The following AFF2 variants were observed in gnomAD, a reference collection of about 807,000 sequenced individuals.
AFF2 encodes the protein ALF transcription elongation factor 2, also known as AF4/FMR2 family member 2.
In AFF2, 14 loss-of-function variants were observed where a neutral mutation model predicts 76.9. The ratio of observed to expected loss-of-function variants is 0.18; its 90% CI spans 0.12 to 0.28. The LOEUF (loss-of-function observed/expected upper bound fraction) is 0.28, where lower values mean the gene tolerates loss of function less well. Ranked by LOEUF, AFF2 falls within the 10% of genes least tolerant of loss-of-function variation. The pLI is 1.00. For synonymous variants in AFF2, 398 were observed against 366.7 expected, an observed-to-expected ratio of 1.09 and a Z score of -0.98; for missense variants, 868 against 1,001.1, an observed-to-expected ratio of 0.87 and a Z score of 1.79.
chrX:148,947,617 C>G (rs1226039563), intron 9 of AFF2, among the ~76,000 whole-genome samples: 1 of 111,603 alleles, frequency 9.0e-6, no homozygotes, highest in Non-Finnish European at 1.9e-5. Context: ...ATGGAATCTT[C>G]CCAGTCTCTA....
intron 3 of AFF2, among the ~76,000 whole-genome samples, chrX:148,778,458 T>C (rs2069697139): frequency 9.0e-6 from 1 of 111,317 alleles, no homozygotes; most frequent in Non-Finnish European, 1.9e-5. Flanking sequence ...TCTGGTGGAA[T>C]TGGGCTGTGA....
At chrX:148,725,974 A>G (rs782081191) in intron 3 of AFF2, among the ~76,000 whole-genome samples, 144 of 111,736 alleles carry the variant, frequency 1.3e-3, no homozygotes, top group Non-Finnish European at 2.3e-3. Flanking sequence ...AGTAATTTCC[A>G]TGTGGCGATT....
chrX:148,930,637 T>A (rs943772068), intron 9 of AFF2, among the ~76,000 whole-genome samples: 1 of 112,466 alleles, frequency 8.9e-6, no homozygotes, highest in Non-Finnish European at 1.9e-5. Context: ...AATGTCAAAT[T>A]TCAATTGCGT....
chrX:148,889,109 A>G (rs2071194336), intron 8 of AFF2, among the ~76,000 whole-genome samples: 1 of 111,904 alleles, frequency 8.9e-6, no homozygotes, highest in African/African-American at 3.2e-5. Context: ...TCTTTTTCAA[A>G]CAGTATCTAA....
At chrX:148,854,809 T>G (rs2070769156) in intron 7 of AFF2, among the ~76,000 whole-genome samples, 1 of 111,804 alleles carries the variant, frequency 8.9e-6, no homozygotes, top group African/African-American at 3.3e-5. Context: ...CACATCACGG[T>G]GTGTCTGGCT....
chrX:148,783,752 G>A (rs2069775640), intron 3 of AFF2, among the ~76,000 whole-genome samples: 1 of 111,545 alleles, frequency 9.0e-6, no homozygotes, highest in Non-Finnish European at 1.9e-5. Flanking sequence ...TTGACCCATA[G>A]GTGGCTTTTT....
chrX:148,597,314 G>T (rs192087059), intron 1 of AFF2, among the ~76,000 whole-genome samples: 1 of 111,345 alleles, frequency 9.0e-6, no homozygotes, highest in East Asian at 2.8e-4. Flanking sequence ...AAAGCCCAGT[G>T]AGCTGGACAG....
intron 1 of AFF2, among the ~76,000 whole-genome samples, chrX:148,555,721 T>A (rs1448961353): frequency 8.9e-6 from 1 of 112,325 alleles, no homozygotes; most frequent in Non-Finnish European, 1.9e-5. Context: ...ATTTTTGTCA[T>A]CTCTCACAAA....
At position 148,707,991 on chromosome X, in the gene AFF2, AT is replaced by A. The variant is rs1236851818; in HGVS notation, c.1041+45224del. On this transcript the variant is annotated intron_variant, in intron 3 of 20. Transcript: ENST00000370460. ...CACAAATATAAAATAAGCACATGAA[AT>A]AAAAAGAACAAAGCATACTGTTGGA... Among the ~76,000 whole-genome samples the A allele has an allele frequency of 3.6e-5, 4 of 112,117 alleles. No homozygotes were observed. In the Admixed American group the frequency reaches 3.8e-4, roughly 11 times the overall value.
intron 19 of AFF2, 40 bp downstream of exon 19, chrX:148,980,830 TGATTCAATA>T (rs781924478): frequency 2.9e-6 from 3 of 1,033,578 alleles, no homozygotes; most frequent in Non-Finnish European, 4.0e-6. Context: ...TGAAGATGAG[TGATTCAATA>T]GACCCCAGAT....
chrX:148,927,463 C>T (rs7066156), intron 9 of AFF2, among the ~76,000 whole-genome samples: 3,510 of 109,940 alleles, frequency 0.032, 129 homozygotes, highest in African/African-American at 0.11. Context: ...CCTCACAGTC[C>T]TCTCTTTCTT....
chrX:148,694,321 A>AT (rs1397312829), intron 3 of AFF2, among the ~76,000 whole-genome samples: 1 of 110,917 alleles, frequency 9.0e-6, no homozygotes, highest in Non-Finnish European at 1.9e-5. Flanking sequence ...TATAATAATA[A>AT]AAAAAAAGAA....
At chrX:148,712,129 T>G (rs1455527204) in intron 3 of AFF2, among the ~76,000 whole-genome samples, 2 of 111,832 alleles carry the variant, frequency 1.8e-5, no homozygotes, top group African/African-American at 6.5e-5. Flanking sequence ...TGCCTCCATC[T>G]TCACATGGAA....
chrX:148,927,086 G>A (rs781896439), intron 9 of AFF2, among the ~76,000 whole-genome samples: 1 of 111,925 alleles, frequency 8.9e-6, no homozygotes, highest in African/African-American at 3.2e-5. Context: ...GTAATGTTAG[G>A]ATTTTTTCTT....
intron 3 of AFF2, among the ~76,000 whole-genome samples, chrX:148,769,835 G>A (rs1422349792): frequency 9.0e-6 from 1 of 111,525 alleles, no homozygotes; most frequent in Admixed American, 9.5e-5. Context: ...ATTTCTAGCT[G>A]CTGAAATGGG....
intron 3 of AFF2, among the ~76,000 whole-genome samples, chrX:148,773,618 AAAGGAAGG>A (rs1307052602): frequency 2.9e-5 from 3 of 102,908 alleles, no homozygotes; most frequent in South Asian, 4.8e-4. Flanking sequence ...TGCTGTTCAA[AAAGGAAGG>A]AAGGAAGGAA....
chrX:148,843,493 C>G, intron 7 of AFF2, 60 bp downstream of exon 7: 1 of 953,739 alleles, frequency 1.0e-6, no homozygotes, highest in South Asian at 2.0e-5. Context: ...GAAACAGTGC[C>G]TCAATGCTGA....
At chrX:148,783,371 G>A (rs1446674939) in intron 3 of AFF2, among the ~76,000 whole-genome samples, 1 of 110,145 alleles carries the variant, frequency 9.1e-6, no homozygotes, top group Non-Finnish European at 1.9e-5. Context: ...TTATTTTTTT[G>A]ATGTTATTTG....
chrX:148,979,793 C>T (rs1163908840), intron 18 of AFF2, among the ~76,000 whole-genome samples: 2 of 112,430 alleles, frequency 1.8e-5, no homozygotes, highest in African/African-American at 6.5e-5. Context: ...GCAGAATGCA[C>T]CTTAGGTGTG....
Sources: allele counts gnomAD v4.1 joint callset (sites outside exome capture counted in the v4.1 genomes callset), GRCh38; gene constraint gnomAD v4.1.1; transcripts MANE v1.5; gene names NCBI Gene and HGNC (gene_info 2026-07-23, HGNC 2026-07-21).